CACNB4: variants seen among roughly 807,000 people sequenced by gnomAD.
CACNB4 encodes calcium voltage-gated channel auxiliary subunit beta 4, also known as voltage-dependent L-type calcium channel subunit beta-4.
Under a neutral mutation model 71.2 loss-of-function variants are expected in CACNB4, and 32 were observed. The observed-to-expected ratio is 0.45, with a 90% CI of 0.34 to 0.60. CACNB4 has a LOEUF of 0.60. Among genes scored for constraint, CACNB4 ranks in the 20% least tolerant of loss-of-function variants. The pLI, the probability that CACNB4 is intolerant of heterozygous loss-of-function variation, is 0.01. For synonymous variants in CACNB4, 231 were observed against 236.9 expected, an observed-to-expected ratio of 0.97 and a Z score of 0.23; for missense variants, 464 against 647.9, an observed-to-expected ratio of 0.72 and a Z score of 3.08.
chr2:151,971,077 A>T (rs1226346740), intron 2 of CACNB4: 1 of 171,026 alleles, frequency 5.8e-6, no homozygotes, highest in Admixed American at 5.6e-5. Flanking sequence ...CATATAGAGT[A>T]TGTGAAACAC....
At chr2:151,951,778 G>T (rs546362394) in intron 2 of CACNB4, among the ~76,000 whole-genome samples, 44 of 152,310 alleles carry the variant, frequency 2.9e-4, no homozygotes, top group African/African-American at 1.0e-3. Flanking sequence ...GAGGAAGCTG[G>T]AGTCCTCTGC....
intron 2 of CACNB4, chr2:151,969,552 A>G (rs1284466938): frequency 6.6e-6 from 1 of 152,196 alleles, no homozygotes; most frequent in African/African-American, 2.4e-5. Flanking sequence ...CAAAAGCTCC[A>G]CAGTAGACAT....
At chr2:151,951,026 C>T (rs2099866805) in intron 2 of CACNB4, among the ~76,000 whole-genome samples, 1 of 152,160 alleles carries the variant, frequency 6.6e-6, no homozygotes, top group African/African-American at 2.4e-5. Flanking sequence ...CTCCCTGCAG[C>T]CTCCGTCACC....
intron 2 of CACNB4, among the ~76,000 whole-genome samples, chr2:152,004,532 T>C (rs922183875): frequency 7.4e-5 from 11 of 149,310 alleles, no homozygotes; most frequent in African/African-American, 2.5e-4. Context: ...TTTACATACA[T>C]ACACACACAC....
intron 4 of CACNB4, among the ~76,000 whole-genome samples, chr2:151,877,251 T>C (rs568207540): frequency 5.9e-5 from 9 of 152,194 alleles, no homozygotes; most frequent in Middle Eastern, 3.4e-3. Flanking sequence ...CTGTTACAAT[T>C]AGTTGAATCT....
chr2:151,895,955 C>A (rs1251581372), intron 2 of CACNB4, among the ~76,000 whole-genome samples: 1 of 151,932 alleles, frequency 6.6e-6, no homozygotes, highest in African/African-American at 2.4e-5. Flanking sequence ...AGCAATTCTC[C>A]TGCATCAGCC....
intron 2 of CACNB4, among the ~76,000 whole-genome samples, chr2:152,060,243 T>G (rs1350552627): frequency 6.6e-6 from 1 of 152,226 alleles, no homozygotes; most frequent in East Asian, 1.9e-4. Context: ...CTTTATAGCC[T>G]TTGGTGTGTA....
intron 2 of CACNB4, among the ~76,000 whole-genome samples, chr2:152,023,677 C>T (rs1172032192): frequency 1.3e-5 from 2 of 152,240 alleles, no homozygotes; most frequent in East Asian, 1.9e-4. Context: ...TCAGGTGATC[C>T]GCCTGCCTCA....
intron 2 of CACNB4, among the ~76,000 whole-genome samples, chr2:152,089,989 G>A (rs1687881839): frequency 6.6e-6 from 1 of 152,202 alleles, no homozygotes; most frequent in African/African-American, 2.4e-5. Context: ...CTCTCCACAT[G>A]TCTGTAGAGT....
intron 2 of CACNB4, among the ~76,000 whole-genome samples, chr2:152,075,276 T>A (rs1198081388): frequency 6.6e-6 from 1 of 152,184 alleles, no homozygotes; most frequent in African/African-American, 2.4e-5. Context: ...ACTGATTCCA[T>A]CAACAGCTCT....
At chr2:152,065,196 A>G (rs1382131687) in intron 2 of CACNB4, among the ~76,000 whole-genome samples, 1 of 152,178 alleles carries the variant, frequency 6.6e-6, no homozygotes, top group African/African-American at 2.4e-5. Context: ...CAGCCTAGCT[A>G]ACATGGTGAA....
intron 2 of CACNB4, among the ~76,000 whole-genome samples, chr2:151,915,584 T>G (rs12612998): frequency 0.084 from 12,710 of 152,142 alleles, 1,414 homozygotes; most frequent in East Asian, 0.55. Flanking sequence ...GGCTCATGCA[T>G]ATAGTCCCAG....
At position 151,973,619 on chromosome 2, in the gene CACNB4, G is replaced by C. The variant is rs537371118; in HGVS notation, c.148-90249C>G. 3.3e-4 allele frequency: 511 copies of C among 1,534,880 alleles called. 2 individuals are homozygous for C. Among genetic ancestry groups the C allele is most frequent in the Middle Eastern group, 3.5e-4 (2 of 5,716 alleles). ...AGCGGGGGGGTGGAGGGGATAGTGG[G>C]AGGAGGAAGAGGAGGGGAGAGGGAA... On this transcript the variant is annotated intron_variant, in intron 2 of 13. Coordinates refer to ENST00000539935, the MANE Select transcript of CACNB4 (RefSeq NM_000726.5).
At chr2:151,921,187 TA>T (rs5835389) in intron 2 of CACNB4, among the ~76,000 whole-genome samples, 1 of 147,288 alleles carries the variant, frequency 6.8e-6, no homozygotes, top group Admixed American at 6.7e-5. Flanking sequence ...ATAAATAAGT[TA>T]AAAAAAAACA....
intron 2 of CACNB4, among the ~76,000 whole-genome samples, chr2:152,062,013 AAATAATAATAATAAT>A (rs10664776): frequency 4.2e-5 from 6 of 141,200 alleles, no homozygotes; most frequent in African/African-American, 1.0e-4. Context: ...TTCCATCTCA[AAATAATAATAATAAT>A]AATAATAATA....
At chr2:152,048,620 T>C (rs968777590) in intron 2 of CACNB4, 2 of 152,286 alleles carry the variant, frequency 1.3e-5, no homozygotes, top group African/African-American at 4.8e-5. Context: ...TTACCCAGGA[T>C]GTGAGCAGGA....
chr2:151,842,678 G>C (rs1014740753), intron 12 of CACNB4, among the ~76,000 whole-genome samples: 9 of 152,068 alleles, frequency 5.9e-5, no homozygotes, highest in Non-Finnish European at 1.2e-4. Flanking sequence ...AAGTGTAAAT[G>C]TGTTACAGGT....
At chr2:152,003,374 A>G (rs1682534521) in intron 2 of CACNB4, among the ~76,000 whole-genome samples, 1 of 151,640 alleles carries the variant, frequency 6.6e-6, no homozygotes, top group Non-Finnish European at 1.5e-5. Context: ...TCAACCAGGG[A>G]GGTGGAGGTT....
At chr2:151,858,904 T>C (rs1439221023) in intron 10 of CACNB4, 3 of 152,222 alleles carry the variant, frequency 2.0e-5, no homozygotes, top group Non-Finnish European at 4.4e-5. Context: ...TTTATACCCC[T>C]AGTTCCTTGT....
Sources: allele counts gnomAD v4.1 joint callset (sites outside exome capture counted in the v4.1 genomes callset), GRCh38; gene constraint gnomAD v4.1.1; transcripts MANE v1.5; gene names NCBI Gene and HGNC (gene_info 2026-07-23, HGNC 2026-07-21).